The following ANO4 variants were observed in gnomAD, a reference collection of about 807,000 sequenced individuals.
ANO4 encodes anoctamin-4.
A neutral mutation model predicts 141.9 loss-of-function variants in ANO4; 69 were observed. The observed-to-expected ratio is 0.49, with a 90% CI of 0.40 to 0.59. The LOEUF is 0.59. Ranked by LOEUF, ANO4 falls within the 20% of genes least tolerant of loss-of-function variation. The probability of loss-of-function intolerance (pLI) is 0.00; values close to 1 mark genes in which losing one functional copy is unlikely to be tolerated. For synonymous variants in ANO4, 350 were observed against 394.3 expected, an observed-to-expected ratio of 0.89 and a Z score of 1.33; for missense variants, 894 against 1,162.2, an observed-to-expected ratio of 0.77 and a Z score of 3.36.
intron 9 of ANO4, among the ~76,000 whole-genome samples, chr12:101,028,422 A>G (rs1406490390): frequency 2.6e-5 from 4 of 152,234 alleles, no homozygotes; most frequent in Admixed American, 2.6e-4. Flanking sequence ...CAAAGAAGCT[A>G]AGAACCTTGA....
intron 14 of ANO4, among the ~76,000 whole-genome samples, chr12:101,071,638 A>G (rs2048815732): frequency 6.6e-6 from 1 of 152,156 alleles, no homozygotes; most frequent in Non-Finnish European, 1.5e-5. Flanking sequence ...ACAGCACAAC[A>G]TGGGGACTAT....
chr12:100,954,698 T>C (rs1385531031), intron 5 of ANO4, among the ~76,000 whole-genome samples: 1 of 152,144 alleles, frequency 6.6e-6, no homozygotes, highest in Admixed American at 6.5e-5. Context: ...GGTTTAAAAG[T>C]TGTAAGGTCT....
chr12:101,086,639 G>T (rs770758956), intron 16 of ANO4, 21 bp from the exon 17 acceptor site: 1 of 1,612,712 alleles, frequency 6.2e-7, no homozygotes, highest in Admixed American at 1.7e-5. Flanking sequence ...AGGTTCACCG[G>T]GTGTCTTGTC....
chr12:101,066,006 A>G (rs2048568450), intron 14 of ANO4, among the ~76,000 whole-genome samples: 1 of 152,264 alleles, frequency 6.6e-6, no homozygotes, highest in Admixed American at 6.5e-5. Flanking sequence ...ATGAAGGATG[A>G]AAACCATATG....
chr12:101,097,565 T>G, intron 19 of ANO4, 86 bp from the exon 20 acceptor site: 5 of 1,287,892 alleles, frequency 3.9e-6, no homozygotes, highest in Non-Finnish European at 5.6e-6. Flanking sequence ...GTCATTCACA[T>G]TGGAGAATGT....
chr12:100,738,831 G>C (rs1177652773), intron 2 of ANO4, among the ~76,000 whole-genome samples: 1 of 151,624 alleles, frequency 6.6e-6, no homozygotes, highest in African/African-American at 2.4e-5. Flanking sequence ...AAAATCTACT[G>C]TTAGCAAATT....
chr12:101,043,730 G>C, intron 13 of ANO4, 95 bp downstream of exon 13: 1 of 878,914 alleles, frequency 1.1e-6, no homozygotes, highest in Non-Finnish European at 1.8e-6. Context: ...TCCAGTCTTT[G>C]ATTTTCAAGT....
Position 101,095,443 on chromosome 12 carries a change from G to A in ANO4, c.1739-1093G>A, listed in dbSNP as rs1026243628. 3.3e-5 allele frequency among the ~76,000 whole-genome samples: 5 copies of A among 152,164 alleles called. No homozygotes were observed. The South Asian group carries it at 8.3e-4, about 25-fold the overall frequency. On this transcript the variant is annotated intron_variant, in intron 18 of 27. Transcript: ENST00000392977. ...ACCTGGGAACCTAGCTGGTGACCAG[G>A]AGACCTTTCCATGTAACCAGGAGTT...
intron 14 of ANO4, among the ~76,000 whole-genome samples, chr12:101,064,133 C>T (rs1391064559): frequency 2.6e-5 from 4 of 152,162 alleles, no homozygotes; most frequent in African/African-American, 9.6e-5. Context: ...AGGTCTTTCT[C>T]ATTTTCAAAT....
intron 3 of ANO4, among the ~76,000 whole-genome samples, chr12:100,758,108 G>A (rs2032694861): frequency 6.6e-6 from 1 of 152,214 alleles, no homozygotes; most frequent in African/African-American, 2.4e-5. Flanking sequence ...CATGTGACAG[G>A]TTCTTCCTTC....
chr12:101,080,865 G>GATATATATATATATATTAT (rs2049218913), intron 15 of ANO4, among the ~76,000 whole-genome samples: 5 of 109,374 alleles, frequency 4.6e-5, no homozygotes, highest in Admixed American at 1.0e-4. Context: ...CTAGGTTCTA[G>GATATATATATATATATTAT]ATATATATAT....
chr12:101,126,313 A>G (rs891090732), intron 26 of ANO4, among the ~76,000 whole-genome samples: 2 of 152,196 alleles, frequency 1.3e-5, no homozygotes, highest in Admixed American at 1.3e-4. Flanking sequence ...CAGTGACTCT[A>G]GAATTCCAGC....
At chr12:100,976,925 G>T (rs1323919857) in intron 7 of ANO4, among the ~76,000 whole-genome samples, 1 of 152,152 alleles carries the variant, frequency 6.6e-6, no homozygotes, top group East Asian at 1.9e-4. Flanking sequence ...TTCTTGTTTG[G>T]AATTGCCAAG....
Position 101,011,614 on chromosome 12 carries a change from G to A in ANO4, c.735-8420G>A, listed in dbSNP as rs117700786. ...AACACATGGTGATGGAACAGAGGCA[G>A]AATAATTACAATAGGTACTGCCATT... is the stretch of plus-strand genomic sequence containing the variant. On this transcript the variant is annotated intron_variant, in intron 8 of 27. Coordinates refer to ENST00000392977, the MANE Select transcript of ANO4 (RefSeq NM_001286615.2). Among the ~76,000 whole-genome samples, 254 of 152,218 alleles carry A rather than the reference G, an allele frequency of 1.7e-3. 3 individuals are homozygous for A. In the South Asian group the frequency reaches 0.024, roughly 14 times the overall value.
intron 3 of ANO4, among the ~76,000 whole-genome samples, chr12:100,788,168 C>T (rs374438362): frequency 1.2e-3 from 186 of 152,156 alleles, no homozygotes; most frequent in African/African-American, 2.9e-3. Flanking sequence ...GAGACAGCTC[C>T]CTGGGAGGAA....
At chr12:100,977,320 C>A (rs1360896988) in intron 7 of ANO4, among the ~76,000 whole-genome samples, 1 of 152,068 alleles carries the variant, frequency 6.6e-6, no homozygotes, top group Non-Finnish European at 1.5e-5. Context: ...AGTTTATCTG[C>A]CAAGTAGTCA....
chr12:100,817,114 A>G (rs185528666), intron 1 of ANO4, among the ~76,000 whole-genome samples: 7 of 151,980 alleles, frequency 4.6e-5, no homozygotes, highest in African/African-American at 1.7e-4. Context: ...ATAAAATTCA[A>G]TGAGCAATAT....
chr12:100,935,303 G>A (rs1263207993), intron 3 of ANO4, among the ~76,000 whole-genome samples: 1 of 152,120 alleles, frequency 6.6e-6, no homozygotes, highest in Non-Finnish European at 1.5e-5. Context: ...TAGCATGAAG[G>A]GCTGTTGAAT....
At chr12:101,001,588 C>G (rs1048166123) in intron 8 of ANO4, among the ~76,000 whole-genome samples, 1 of 152,140 alleles carries the variant, frequency 6.6e-6, no homozygotes, top group Non-Finnish European at 1.5e-5. Flanking sequence ...ATGCTCCTTC[C>G]ATAATACAAC....
Sources: gnomAD v4.1 joint callset for allele counts (sites outside exome capture counted in the v4.1 genomes callset) on GRCh38, gnomAD v4.1.1 for gene constraint, MANE v1.5 for transcripts, NCBI Gene and HGNC (gene_info 2026-07-23, HGNC 2026-07-21) for gene names.